MALRD1: variants seen among roughly 807,000 people sequenced by gnomAD.
MALRD1 encodes the protein MAM and LDL-receptor class A domain-containing protein 1.
Under a neutral mutation model 242.1 loss-of-function variants are expected in MALRD1, and 247 were observed. The ratio of observed to expected loss-of-function variants is 1.02; its 90% CI spans 0.92 to 1.13. The LOEUF (loss-of-function observed/expected upper bound fraction) is 1.13. Ranked by LOEUF, MALRD1 falls within the 50% of genes most tolerant of loss-of-function variation. The pLI, the probability that MALRD1 is intolerant of heterozygous loss-of-function variation, is 0.00. For synonymous variants in MALRD1, 995 were observed against 866.6 expected (o/e 1.15, Z -2.60); for missense variants, 2,989 against 2,533.1 (o/e 1.18, Z -3.86).
intron 2 of MALRD1, 42 bp from the exon 3 acceptor site, chr10:19,087,798 C>A: frequency 9.6e-7 from 1 of 1,043,398 alleles, no homozygotes; most frequent in Non-Finnish European, 1.2e-6. Flanking sequence ...CTTATTCATT[C>A]TTTCTGGTTT....
chr10:19,219,399 C>T (rs973231137), intron 18 of MALRD1, among the ~76,000 whole-genome samples: 1 of 152,116 alleles, frequency 6.6e-6, no homozygotes, highest in Admixed American at 6.6e-5. Flanking sequence ...AGAAAGAGTA[C>T]CATAGCATAT....
chr10:19,312,330 A>G (rs1018491452), intron 21 of MALRD1, among the ~76,000 whole-genome samples: 2 of 149,216 alleles, frequency 1.3e-5, no homozygotes, highest in Non-Finnish European at 1.5e-5. Context: ...AGCTATTTTT[A>G]TGCTCTATTA....
At chr10:19,439,165 A>G (rs1554771870) in intron 28 of MALRD1, among the ~76,000 whole-genome samples, 1 of 152,126 alleles carries the variant, frequency 6.6e-6, no homozygotes, top group Non-Finnish European at 1.5e-5. Flanking sequence ...TAAAAATTAC[A>G]TAAAATAGCC....
chr10:19,436,004 A>C (rs1419102668), intron 28 of MALRD1, among the ~76,000 whole-genome samples: 2 of 152,114 alleles, frequency 1.3e-5, no homozygotes, highest in Non-Finnish European at 2.9e-5. Flanking sequence ...TTGTTGCTCA[A>C]GTTGTTCCAG....
chr10:19,440,412 G>C (rs539828928), intron 28 of MALRD1, among the ~76,000 whole-genome samples: 1 of 151,960 alleles, frequency 6.6e-6, no homozygotes, highest in African/African-American at 2.4e-5. Flanking sequence ...TGTTACATAT[G>C]TATACATGTG....
chr10:19,605,592 C>G (rs117562401), intron 34 of MALRD1, among the ~76,000 whole-genome samples: 1,524 of 150,200 alleles, frequency 0.01, 23 homozygotes, highest in Non-Finnish European at 0.011. Context: ...TATTGATTTT[C>G]CATCTGTAGA....
chr10:19,525,335 TA>T (rs1392828898), intron 31 of MALRD1, among the ~76,000 whole-genome samples: 1 of 152,090 alleles, frequency 6.6e-6, no homozygotes, highest in Admixed American at 6.6e-5. Context: ...TAATCACATC[TA>T]AAAGACAAAT....
At chr10:19,607,251 C>T (rs1312327258) in intron 34 of MALRD1, among the ~76,000 whole-genome samples, 1 of 152,150 alleles carries the variant, frequency 6.6e-6, no homozygotes, top group Admixed American at 6.6e-5. Context: ...AAATAACACC[C>T]ACTGGATAGC....
chr10:19,292,952 C>G (rs1307393399), intron 21 of MALRD1, among the ~76,000 whole-genome samples: 1 of 150,432 alleles, frequency 6.6e-6, no homozygotes, highest in Non-Finnish European at 1.5e-5. Context: ...CTCTGTGTAT[C>G]CTTCTATATC....
At chr10:19,586,835 C>G (rs987471710) in intron 33 of MALRD1, among the ~76,000 whole-genome samples, 2 of 152,234 alleles carry the variant, frequency 1.3e-5, no homozygotes, top group African/African-American at 4.8e-5. Flanking sequence ...CTCGCTGCCG[C>G]CTTGCAGTTT....
rs1299458748 is a variant in MALRD1 at position 19,450,366 on chromosome 10, G to A, written c.4905G>A (p.Trp1635Ter). ...QESKQNPGNH[W>*]QKADILLGKL... is the part of the protein sequence containing the mutation. ...GTAAGCAGAACCCTGGTAATCATTG[G>A]CAAAAGGCTGACATCCTGCTAGGAA... Residue 1635 changes from tryptophan to a stop codon, truncating the protein, a stop_gained, in exon 29 of 40, where the codon TGG becomes TGA. Transcript: ENST00000454679. LOFTEE classifies it high-confidence loss of function. The A allele has an allele frequency of 1.3e-6, 2 of 1,549,886 alleles. No homozygotes were observed. The highest frequency in any genetic ancestry group is 8.7e-7 in the Non-Finnish European group (1 of 1,146,938).
chr10:19,114,353 C>T (rs965531642), intron 5 of MALRD1, among the ~76,000 whole-genome samples: 5 of 152,050 alleles, frequency 3.3e-5, no homozygotes, highest in African/African-American at 9.7e-5. Context: ...CTAACATAGC[C>T]GTCTTGTGGT....
chr10:19,674,818 C>T (rs1460284917), intron 36 of MALRD1, among the ~76,000 whole-genome samples: 1 of 151,742 alleles, frequency 6.6e-6, no homozygotes, highest in Non-Finnish European at 1.5e-5. Flanking sequence ...TTTCAATTGC[C>T]CAGTTTCTGA....
intron 21 of MALRD1, among the ~76,000 whole-genome samples, chr10:19,313,128 T>C (rs1054508883): frequency 1.3e-5 from 2 of 151,456 alleles, no homozygotes; most frequent in Admixed American, 6.6e-5. Context: ...ACATGTGGTT[T>C]ACAGTCTATA....
chr10:19,365,821 A>ATT (rs1845086137), intron 26 of MALRD1, among the ~76,000 whole-genome samples: 1 of 152,126 alleles, frequency 6.6e-6, no homozygotes, highest in African/African-American at 2.4e-5. Flanking sequence ...ACCAGTATAA[A>ATT]TTCAACTCCA....
intron 33 of MALRD1, among the ~76,000 whole-genome samples, chr10:19,571,357 T>G (rs1836530582): frequency 6.6e-6 from 1 of 152,098 alleles, no homozygotes; most frequent in Admixed American, 6.6e-5. Context: ...TCAGACAGAA[T>G]TTTTAGATGT....
At chr10:19,220,772 C>T (rs1837524051) in intron 18 of MALRD1, among the ~76,000 whole-genome samples, 1 of 151,588 alleles carries the variant, frequency 6.6e-6, no homozygotes, top group African/African-American at 2.4e-5. Flanking sequence ...GGACTTAGTT[C>T]CTTGGCATAG....
chr10:19,374,954 G>A lies in MALRD1; in HGVS notation c.4442-12574G>A, dbSNP rs962456709. ...TCAGAAGCAAAGGACAGATATAGGGGGCAAACATTAGTCCCTACCACGTGC... is the reference window on the plus strand; with the variant it reads ...TCAGAAGCAAAGGACAGATATAGGGAGCAAACATTAGTCCCTACCACGTGC... On this transcript the variant is annotated intron_variant, in intron 26 of 39. Transcript: ENST00000454679. Among the ~76,000 whole-genome samples the A allele has an allele frequency of 3.3e-5, 5 of 152,192 alleles. No homozygotes were observed. The East Asian group carries it at 7.7e-4, about 23-fold the overall frequency.
chr10:19,315,177 TAAATATATAAATATAATTTATAG>T (rs1842607805), intron 21 of MALRD1, among the ~76,000 whole-genome samples: 1 of 126,224 alleles, frequency 7.9e-6, no homozygotes, highest in African/African-American at 3.1e-5. Context: ...ATAATTTATA[TAAATATATAAATATAATTTATAG>T]AAATATAATT....
Sources: allele counts gnomAD v4.1 joint callset (sites outside exome capture counted in the v4.1 genomes callset), GRCh38; gene constraint gnomAD v4.1.1; transcripts MANE v1.5; gene names NCBI Gene and HGNC (gene_info 2026-07-23, HGNC 2026-07-21).